The following LINGO2 variants were observed in gnomAD, a reference collection of about 807,000 sequenced individuals.
LINGO2 encodes leucine-rich repeat and immunoglobulin-like domain-containing nogo receptor-interacting protein 2.
Under a neutral mutation model 30.6 loss-of-function variants are expected in LINGO2, and 14 were observed. The ratio of observed to expected loss-of-function variants is 0.46; its 90% CI spans 0.30 to 0.72. LINGO2 has a LOEUF of 0.72. Ranked by LOEUF, LINGO2 falls within the 30% of genes least tolerant of loss-of-function variation. LINGO2 has a pLI of 0.07. For synonymous variants in LINGO2, 317 were observed against 288.5 expected, an observed-to-expected ratio of 1.10 and a Z score of -1.00; for missense variants, 729 against 751.7, an observed-to-expected ratio of 0.97 and a Z score of 0.35.
At position 28,148,265 on chromosome 9, in the gene LINGO2, C is replaced by T. The variant is rs1827875034; in HGVS notation, c.-86-135860G>A. On this transcript the variant is annotated intron_variant, in intron 4 of 5. Transcript: ENST00000379992. The surrounding 1 kb of genome is among the most constrained non-coding windows in gnomAD (Gnocchi z 5.1). The stretch of plus-strand genomic sequence containing the variant: ...GGGCACCCCACAGAGGGTCCTGTCT[C>T]CTGTGGTCTGGAGCCCCGCCTCAAG... 2.6e-6 allele frequency: 2 copies of T among 766,504 alleles called. No homozygotes were observed. The highest frequency in any genetic ancestry group is 2.2e-5 in the Admixed American group (1 of 45,856). The allele number at this position is 766,504 out of a possible 1,614,324, so 47.5% of individuals were successfully genotyped here.
chr9:28,443,641 G>C (rs1243225133), intron 2 of LINGO2, among the ~76,000 whole-genome samples: 1 of 152,232 alleles, frequency 6.6e-6, no homozygotes, highest in Non-Finnish European at 1.5e-5. Context: ...GAGCACTCTT[G>C]GGGCAGTGCT....
At chr9:29,074,678 CTTTTT>C in the LINGO2 span, among the ~76,000 whole-genome samples, 2,344 of 87,910 alleles carry the variant, frequency 0.027, 10 homozygotes, top group Non-Finnish European at 0.038. Context: ...AAATTACTTA[CTTTTT>C]TTTTTTTTTT....
intron 3 of LINGO2, among the ~76,000 whole-genome samples, chr9:28,310,622 G>A (rs1015522502): frequency 1.3e-5 from 2 of 152,292 alleles, no homozygotes; most frequent in African/African-American, 2.4e-5. Flanking sequence ...TTGTGAGGGT[G>A]ATGGATACGT....
chr9:28,563,100 G>A (rs941299124), intron 1 of LINGO2, among the ~76,000 whole-genome samples: 1 of 152,054 alleles, frequency 6.6e-6, no homozygotes, highest in African/African-American at 2.4e-5. Flanking sequence ...ACCCACCTTG[G>A]CCTCCCAAAG....
intron 5 of LINGO2, among the ~76,000 whole-genome samples, chr9:28,009,421 A>G (rs1218249516): frequency 6.6e-6 from 1 of 151,976 alleles, no homozygotes; most frequent in Non-Finnish European, 1.5e-5. Context: ...TACCATTAAG[A>G]AAATGAATAG....
At chr9:28,871,776 A>C in the LINGO2 span, among the ~76,000 whole-genome samples, 1 of 151,994 alleles carries the variant, frequency 6.6e-6, no homozygotes, top group African/African-American at 2.4e-5. Context: ...GTTCTGATGC[A>C]TTAACTGGGT....
At chr9:28,444,876 G>C (rs12553634) in intron 2 of LINGO2, among the ~76,000 whole-genome samples, 1 of 152,150 alleles carries the variant, frequency 6.6e-6, no homozygotes, top group African/African-American at 2.4e-5. Context: ...TGGGATCCAG[G>C]CTGGTAGTGC....
intron 4 of LINGO2, among the ~76,000 whole-genome samples, chr9:28,023,772 G>A (rs1402433952): frequency 6.6e-6 from 1 of 152,076 alleles, no homozygotes; most frequent in Non-Finnish European, 1.5e-5. Flanking sequence ...TCTTTCCTGG[G>A]TTTCTAACAT....
the LINGO2 span, among the ~76,000 whole-genome samples, chr9:29,200,346 T>C: frequency 1.1e-4 from 17 of 152,210 alleles, no homozygotes; most frequent in Middle Eastern, 3.4e-3. Flanking sequence ...AACACATTAA[T>C]AGAACTCCCA....
intron 3 of LINGO2, among the ~76,000 whole-genome samples, chr9:28,307,297 T>C (rs1182862045): frequency 6.6e-6 from 1 of 152,076 alleles, no homozygotes; most frequent in Non-Finnish European, 1.5e-5. Flanking sequence ...ATAAATGTAA[T>C]CCAGCACATA....
At chr9:28,646,193 T>A (rs1827830480) in intron 1 of LINGO2, among the ~76,000 whole-genome samples, 1 of 152,130 alleles carries the variant, frequency 6.6e-6, no homozygotes, top group African/African-American at 2.4e-5. Flanking sequence ...CATGCTTAGT[T>A]ATTTTCCATG....
the LINGO2 span, among the ~76,000 whole-genome samples, chr9:29,142,273 T>C: frequency 5.9e-5 from 9 of 151,774 alleles, no homozygotes; most frequent in Non-Finnish European, 1.2e-4. Context: ...ATTTAAAAAT[T>C]TGTAGAAATT....
the LINGO2 span, among the ~76,000 whole-genome samples, chr9:29,002,743 C>A: frequency 6.6e-6 from 1 of 151,988 alleles, no homozygotes; most frequent in Admixed American, 6.6e-5. Context: ...CAGGTACATT[C>A]TCTAAAGCTA....
At chr9:28,069,578 T>G (rs1035833050) in intron 4 of LINGO2, among the ~76,000 whole-genome samples, 1 of 152,194 alleles carries the variant, frequency 6.6e-6, no homozygotes, top group Non-Finnish European at 1.5e-5. Flanking sequence ...GGTTTTGATA[T>G]TCCTTCCGAA....
chr9:28,796,855 A>C, the LINGO2 span, among the ~76,000 whole-genome samples: 1 of 151,556 alleles, frequency 6.6e-6, no homozygotes, highest in African/African-American at 2.4e-5. Context: ...TGCTTGAAAC[A>C]TTTTTCTTTT....
At chr9:29,152,104 C>G in the LINGO2 span, among the ~76,000 whole-genome samples, 2 of 152,042 alleles carry the variant, frequency 1.3e-5, no homozygotes, top group Non-Finnish European at 2.9e-5. Context: ...CAAATCCAAA[C>G]CACAATGAAA....
chr9:29,187,248 A>C, the LINGO2 span, among the ~76,000 whole-genome samples: 1 of 152,232 alleles, frequency 6.6e-6, no homozygotes, highest in African/African-American at 2.4e-5. Flanking sequence ...AAATGAATAT[A>C]TACACATGGA....
chr9:28,188,654 G>C (rs1038600001), intron 4 of LINGO2, among the ~76,000 whole-genome samples: 10 of 152,126 alleles, frequency 6.6e-5, no homozygotes, highest in Non-Finnish European at 1.5e-4. Flanking sequence ...AGATTTCCTA[G>C]ACATTCTTAT....
chr9:28,378,231 G>T (rs10757736), intron 2 of LINGO2, among the ~76,000 whole-genome samples: 76,611 of 152,032 alleles, frequency 0.5, 20,650 homozygotes, highest in Non-Finnish European at 0.59. Context: ...TGGTGAGGCA[G>T]AAAATAGTTG....
Sources: gnomAD v4.1 joint callset for allele counts (sites outside exome capture counted in the v4.1 genomes callset) on GRCh38, gnomAD v4.1.1 for gene constraint, Gnocchi (gnomAD v3.1) non-coding constraint, MANE v1.5 for transcripts, NCBI Gene and HGNC (gene_info 2026-07-23, HGNC 2026-07-21) for gene names.